CCDC85A: variants seen among roughly 807,000 people sequenced by gnomAD.
CCDC85A encodes coiled-coil domain containing 85A, also known as coiled-coil domain-containing protein 85A.
In CCDC85A, 38 loss-of-function variants were observed where a neutral mutation model predicts 50.2. The observed-to-expected ratio is 0.76, with a 90% confidence interval of 0.58 to 0.99. CCDC85A has a LOEUF of 0.99. Among genes scored for constraint, CCDC85A ranks in the 50% least tolerant of loss-of-function variants. The probability of loss-of-function intolerance (pLI) is 0.00; values close to 1 mark genes in which losing one functional copy is unlikely to be tolerated. For synonymous variants in CCDC85A, 366 were observed against 301.4 expected, an observed-to-expected ratio of 1.21 and a Z score of -2.22; for missense variants, 820 against 742.0, an observed-to-expected ratio of 1.11 and a Z score of -1.22.
intron 2 of CCDC85A, among the ~76,000 whole-genome samples, chr2:56,266,097 G>C (rs1670426900): frequency 6.6e-6 from 1 of 152,164 alleles, no homozygotes; most frequent in African/African-American, 2.4e-5. Context: ...AGATATCATA[G>C]ACATAGAGAG....
intron 1 of CCDC85A, among the ~76,000 whole-genome samples, chr2:56,191,859 C>G (rs747836382): frequency 3.3e-5 from 5 of 152,216 alleles, no homozygotes; most frequent in Admixed American, 2.6e-4. Flanking sequence ...TATTCCATGT[C>G]AGGGCTGAAG....
intron 2 of CCDC85A, among the ~76,000 whole-genome samples, chr2:56,291,531 G>C (rs1671703410): frequency 6.6e-6 from 1 of 152,162 alleles, no homozygotes; most frequent in Admixed American, 6.5e-5. Context: ...TATTTAAGCT[G>C]TAGATTTAAA....
intron 2 of CCDC85A, among the ~76,000 whole-genome samples, chr2:56,266,056 A>G (rs1238798337): frequency 6.6e-6 from 1 of 152,244 alleles, no homozygotes; most frequent in African/African-American, 2.4e-5. Flanking sequence ...AAAGACAAAT[A>G]TTGCATGATG....
intron 2 of CCDC85A, among the ~76,000 whole-genome samples, chr2:56,308,808 G>C (rs1332366425): frequency 6.6e-6 from 1 of 152,180 alleles, no homozygotes; most frequent in Non-Finnish European, 1.5e-5. Context: ...AGTAGAGACA[G>C]TGTGACTGGC....
At chr2:56,198,845 T>C (rs549520918) in intron 2 of CCDC85A, among the ~76,000 whole-genome samples, 1 of 152,360 alleles carries the variant, frequency 6.6e-6, no homozygotes, top group Non-Finnish European at 1.5e-5. Context: ...TCAGTGACTT[T>C]AATATTGCGT....
chr2:56,278,794 A>G (rs1333541168), intron 2 of CCDC85A, among the ~76,000 whole-genome samples: 2 of 152,118 alleles, frequency 1.3e-5, no homozygotes, highest in Non-Finnish European at 2.9e-5. Flanking sequence ...GCTGGTCACA[A>G]ACTCCTGACT....
intron 2 of CCDC85A, among the ~76,000 whole-genome samples, chr2:56,279,304 T>C (rs1051550256): frequency 6.6e-6 from 1 of 152,196 alleles, no homozygotes; most frequent in African/African-American, 2.4e-5. Flanking sequence ...CTTAAAAATA[T>C]ATAATCCAAT....
intron 2 of CCDC85A, among the ~76,000 whole-genome samples, chr2:56,309,648 G>A (rs1021108001): frequency 1.3e-5 from 2 of 152,114 alleles, no homozygotes; most frequent in Non-Finnish European, 2.9e-5. Flanking sequence ...TTCATCTTTG[G>A]ACAGTCACAT....
intron 2 of CCDC85A, among the ~76,000 whole-genome samples, chr2:56,225,287 G>A (rs956872861): frequency 2.7e-4 from 41 of 152,176 alleles, no homozygotes; most frequent in Middle Eastern, 3.4e-3. Context: ...CTAGCTTGGC[G>A]TGGTGGTGCA....
chr2:56,226,940 T>A (rs781636214), intron 2 of CCDC85A, among the ~76,000 whole-genome samples: 37 of 152,192 alleles, frequency 2.4e-4, no homozygotes, highest in Non-Finnish European at 4.8e-4. Context: ...AGGGGATGCA[T>A]CCTGAGTAAT....
intron 2 of CCDC85A, among the ~76,000 whole-genome samples, chr2:56,228,303 C>T (rs149389304): frequency 1.2e-3 from 182 of 148,824 alleles, no homozygotes; most frequent in African/African-American, 4.1e-3. Flanking sequence ...ACGTTGTGCA[C>T]GTGTCCCCTA....
chr2:56,269,454 A>G (rs214045), intron 2 of CCDC85A, among the ~76,000 whole-genome samples: 109,271 of 151,996 alleles, frequency 0.72, 39,891 homozygotes, highest in East Asian at 1. Flanking sequence ...ACATAAGTCT[A>G]TGTGAAAACA....
chr2:56,246,605 C>T (rs748934275), intron 2 of CCDC85A, among the ~76,000 whole-genome samples: 6 of 152,132 alleles, frequency 3.9e-5, no homozygotes, highest in Non-Finnish European at 7.3e-5. Context: ...GTTGTTCTGG[C>T]ACCATTTGTT....
At chr2:56,368,607 A>C (rs2104384978) in intron 3 of CCDC85A, among the ~76,000 whole-genome samples, 1 of 152,274 alleles carries the variant, frequency 6.6e-6, no homozygotes, top group African/African-American at 2.4e-5. Context: ...ATCTTTAAGT[A>C]ACAGGAAACC....
intron 2 of CCDC85A, among the ~76,000 whole-genome samples, chr2:56,223,907 T>A (rs1362076295): frequency 2.0e-5 from 3 of 152,170 alleles, no homozygotes; most frequent in South Asian, 4.1e-4. Context: ...GCTAACTGGC[T>A]TTCCCTACTT....
chr2:56,287,608 AGTTGTATGGTTGATTCTGTGTC>A (rs1270232373), intron 2 of CCDC85A, among the ~76,000 whole-genome samples: 2 of 152,198 alleles, frequency 1.3e-5, no homozygotes, highest in Admixed American at 1.3e-4. Flanking sequence ...TGCATATTAG[AGTTGTATGGTTGATTCTGTGTC>A]ATTTCACATT....
chr2:56,372,164 A>T (rs1336542421), intron 3 of CCDC85A, among the ~76,000 whole-genome samples, 180 bp from the exon 4 acceptor site: 2 of 152,166 alleles, frequency 1.3e-5, no homozygotes, highest in Non-Finnish European at 2.9e-5. Context: ...GATTAGGTCT[A>T]ATATGTAGGA....
rs1676806705 is a variant in CCDC85A, at chr2:56,386,093, A to T, written c.*1738A>T. 6.6e-6 allele frequency: 1 copy of T among 152,116 alleles called. No individual in the cohort carries two copies. Among genetic ancestry groups the T allele is most frequent in the Non-Finnish European group, 1.5e-5 (1 of 67,792 alleles). 9.4% of individuals were successfully genotyped at this position (152,116 alleles called of 1,614,324 possible). A position where few individuals can be genotyped will look rare whatever the true frequency, so the allele number is the denominator to read the frequency against. ...TAAATTTTGATACTGTATTAAAACT[A>T]TTTTTTTAAAGTTCTGCATAAAATT... On this transcript the variant is annotated 3_prime_UTR_variant, in exon 6 of 6. Transcript: ENST00000407595.
intron 3 of CCDC85A, among the ~76,000 whole-genome samples, chr2:56,350,954 A>G (rs1331987030): frequency 6.9e-6 from 1 of 144,318 alleles, no homozygotes; most frequent in Non-Finnish European, 1.5e-5. Context: ...TGCACCCATT[A>G]ACTCGTCATT....
Sources: allele counts gnomAD v4.1 joint callset (sites outside exome capture counted in the v4.1 genomes callset), GRCh38; gene constraint gnomAD v4.1.1; transcripts MANE v1.5; gene names NCBI Gene and HGNC (gene_info 2026-07-23, HGNC 2026-07-21).